The following AMOTL1 variants were observed in gnomAD, a reference collection of about 807,000 sequenced individuals.
AMOTL1 encodes angiomotin-like protein 1.
A neutral mutation model predicts 102.9 loss-of-function variants in AMOTL1; 45 were observed. The ratio of observed to expected loss-of-function variants is 0.44; its 90% confidence interval spans 0.34 to 0.56. AMOTL1 has a LOEUF of 0.56. Among genes scored for constraint, AMOTL1 ranks in the 20% least tolerant of loss-of-function variants. The pLI, the probability that AMOTL1 is intolerant of heterozygous loss-of-function variation, is 0.01. For missense variants in AMOTL1, 1,114 were observed against 1,225.6 expected, an observed-to-expected ratio of 0.91 and a Z score of 1.36; for synonymous variants, 481 against 484.7, an observed-to-expected ratio of 0.99 and a Z score of 0.10.
intron 3 of AMOTL1, among the ~76,000 whole-genome samples, chr11:94,811,563 T>C (rs546804923): frequency 1.3e-5 from 2 of 151,278 alleles, no homozygotes; most frequent in South Asian, 4.2e-4. Context: ...TTTTTTTTTT[T>C]CAGATGTGGG....
Position 94,873,525 on chromosome 11 carries a change from A to G in AMOTL1, c.*2730A>G, listed in dbSNP as rs1953041254. Reference sequence around the variant, plus strand: ...ACTGTATGCAAACAGTGTGGTAAATACCTTTTAATTAGTCCTCCACCCACC... The same window carrying G: ...ACTGTATGCAAACAGTGTGGTAAATGCCTTTTAATTAGTCCTCCACCCACC... On this transcript the variant is annotated 3_prime_UTR_variant, in exon 13 of 13. Transcript: ENST00000433060. The G allele has an allele frequency of 6.6e-6, 1 of 152,182 alleles. No individual in the cohort carries two copies. The highest frequency in any genetic ancestry group is 1.5e-5 in the Non-Finnish European group (1 of 68,024). 9.4% of individuals were successfully genotyped at this position (152,182 alleles called of 1,614,324 possible).
intron 3 of AMOTL1, among the ~76,000 whole-genome samples, chr11:94,752,785 A>T (rs1350988146): frequency 6.6e-6 from 1 of 152,208 alleles, no homozygotes; most frequent in African/African-American, 2.4e-5. Context: ...CAGAAGGGAC[A>T]TGTGGGTACA....
intron 2 of AMOTL1, among the ~76,000 whole-genome samples, chr11:94,729,745 A>G (rs1376755658): frequency 2.6e-5 from 4 of 152,176 alleles, no homozygotes; most frequent in African/African-American, 9.7e-5. Flanking sequence ...TAATGCACTC[A>G]CAGATGTTTT....
chr11:94,729,554 T>C lies in AMOTL1; in HGVS notation c.85+499T>C, dbSNP rs761311135. On this transcript the variant is annotated intron_variant, in intron 2 of 4. Coordinates refer to the AMOTL1 transcript ENST00000299004. ...ATTAATGTGACTCAGCATTAAATGA[T>C]GGAGATATTGTTACTTTCCTGGAGC... Among the ~76,000 whole-genome samples, 62 of 152,134 alleles carry C rather than the reference T, an allele frequency of 4.1e-4. 4 individuals are homozygous for C. Among genetic ancestry groups the C allele is most frequent in the Non-Finnish European group, 1.0e-4 (7 of 68,032 alleles).
chr11:94,782,595 G>A (rs949959795), intron 1 of AMOTL1, among the ~76,000 whole-genome samples: 1 of 152,184 alleles, frequency 6.6e-6, no homozygotes, highest in Non-Finnish European at 1.5e-5. Context: ...GTACAGAGGA[G>A]TATCCATGAA....
chr11:94,779,429 G>A (rs934701215), intron 1 of AMOTL1, among the ~76,000 whole-genome samples: 1 of 152,168 alleles, frequency 6.6e-6, no homozygotes, highest in African/African-American at 2.4e-5. Context: ...AAGTACGCAA[G>A]ATAGTTTTCT....
At chr11:94,786,108 G>A (rs1951183862) in intron 1 of AMOTL1, among the ~76,000 whole-genome samples, 1 of 152,014 alleles carries the variant, frequency 6.6e-6, no homozygotes, top group African/African-American at 2.4e-5. Context: ...ACTTATCTGA[G>A]GAAAAGAATC....
intron 7 of AMOTL1, among the ~76,000 whole-genome samples, chr11:94,852,744 A>G (rs1411386647): frequency 2.0e-5 from 3 of 152,198 alleles, no homozygotes; most frequent in East Asian, 3.8e-4. Context: ...CATCTCTTCA[A>G]GGCCCCAACT....
chr11:94,710,357 C>T (rs561376726), intron 1 of AMOTL1, among the ~76,000 whole-genome samples: 2 of 152,294 alleles, frequency 1.3e-5, no homozygotes, highest in East Asian at 1.9e-4. Flanking sequence ...TCAGATGACC[C>T]GGGTTCCTAT....
intron 3 of AMOTL1, among the ~76,000 whole-genome samples, chr11:94,751,945 A>G (rs191742904): frequency 6.6e-6 from 1 of 152,280 alleles, no homozygotes; most frequent in East Asian, 1.9e-4. Context: ...ACGATATTTC[A>G]TCAGTTGTTA....
At chr11:94,727,928 T>C (rs1197323379) in intron 1 of AMOTL1, among the ~76,000 whole-genome samples, 1 of 152,168 alleles carries the variant, frequency 6.6e-6, no homozygotes, top group Non-Finnish European at 1.5e-5. Flanking sequence ...AACAAGTCAA[T>C]CTACCATGTC....
intron 3 of AMOTL1, among the ~76,000 whole-genome samples, chr11:94,810,803 A>G (rs1426239052): frequency 6.7e-6 from 1 of 149,792 alleles, no homozygotes; most frequent in African/African-American, 2.5e-5. Context: ...CAAAAAAAAA[A>G]GAAAGATCCT....
chr11:94,730,570 G>C (rs570377595), intron 2 of AMOTL1, among the ~76,000 whole-genome samples: 1 of 152,140 alleles, frequency 6.6e-6, no homozygotes, highest in Non-Finnish European at 1.5e-5. Context: ...CAGCCTGTGT[G>C]CTTCTTGAGA....
intron 1 of AMOTL1, among the ~76,000 whole-genome samples, chr11:94,715,471 C>T (rs1359957698): frequency 6.6e-6 from 1 of 152,032 alleles, no homozygotes; most frequent in Admixed American, 6.6e-5. Flanking sequence ...GCACCCAGCC[C>T]CAGCCTTCCT....
intron 1 of AMOTL1, among the ~76,000 whole-genome samples, chr11:94,722,925 C>A (rs1349995699): frequency 6.6e-6 from 1 of 152,162 alleles, no homozygotes; most frequent in Admixed American, 6.6e-5. Flanking sequence ...TAAAAAGCCA[C>A]AAACCAGATG....
intron 6 of AMOTL1, among the ~76,000 whole-genome samples, chr11:94,848,849 C>T (rs141005926): frequency 1.9e-4 from 29 of 152,328 alleles, no homozygotes; most frequent in African/African-American, 6.7e-4. Flanking sequence ...TCTATTACTT[C>T]AGAACACATA....
At chr11:94,773,707 G>A (rs1216557269) in intron 1 of AMOTL1, among the ~76,000 whole-genome samples, 1 of 152,192 alleles carries the variant, frequency 6.6e-6, no homozygotes, top group East Asian at 1.9e-4. Context: ...TTTAGAGTGT[G>A]TTACTCTGAT....
intron 3 of AMOTL1, among the ~76,000 whole-genome samples, chr11:94,761,929 T>C (rs139085383): frequency 2.0e-5 from 3 of 152,376 alleles, no homozygotes; most frequent in Non-Finnish European, 2.9e-5. Context: ...ACTGAAAATA[T>C]ATGTTTTCAG....
At chr11:94,728,774 C>A in intron 1 of AMOTL1, 1 of 350,166 alleles carries the variant, frequency 2.9e-6, no homozygotes, top group Non-Finnish European at 5.4e-6. Context: ...ACACTCAGGC[C>A]ATACCCAAAT....
Sources: allele counts gnomAD v4.1 joint callset (sites outside exome capture counted in the v4.1 genomes callset), GRCh38; gene constraint gnomAD v4.1.1; transcripts MANE v1.5; gene names NCBI Gene and HGNC (gene_info 2026-07-23, HGNC 2026-07-21).